The following PRKG1 variants were observed in gnomAD, a reference collection of about 807,000 sequenced individuals.
PRKG1 encodes protein kinase cGMP-dependent 1.
Under a neutral mutation model 88.1 loss-of-function variants are expected in PRKG1, and 35 were observed. That is an observed-to-expected ratio of 0.40 (90% confidence interval 0.30 to 0.53). The LOEUF (loss-of-function observed/expected upper bound fraction) is 0.53, where lower values mean the gene tolerates loss of function less well. Ranked by LOEUF, PRKG1 falls within the 20% of genes least tolerant of loss-of-function variation. PRKG1 has a pLI of 0.59. For missense variants in PRKG1, 540 were observed against 839.8 expected, an observed-to-expected ratio of 0.64 and a Z score of 4.41; for synonymous variants, 303 against 292.5, an observed-to-expected ratio of 1.04 and a Z score of -0.37.
chr10:51,750,808 A>T (rs1837704572), intron 3 of PRKG1, among the ~76,000 whole-genome samples: 1 of 152,220 alleles, frequency 6.6e-6, no homozygotes, highest in African/African-American at 2.4e-5. Context: ...CTATATACGT[A>T]AGTTGTATTT....
At chr10:51,999,265 C>T (rs913536044) in intron 5 of PRKG1, among the ~76,000 whole-genome samples, 1 of 152,198 alleles carries the variant, frequency 6.6e-6, no homozygotes, top group Non-Finnish European at 1.5e-5. Context: ...GAGGGCGTTA[C>T]ATTGTCCGGG....
chr10:51,324,682 A>G (rs1841542427), intron 2 of PRKG1, among the ~76,000 whole-genome samples: 1 of 152,012 alleles, frequency 6.6e-6, no homozygotes, highest in Non-Finnish European at 1.5e-5. Flanking sequence ...CGGAGCTTGC[A>G]GTGAGCCGAG....
At chr10:51,471,907 G>A (rs1414602160) in intron 3 of PRKG1, among the ~76,000 whole-genome samples, 14 of 151,800 alleles carry the variant, frequency 9.2e-5, no homozygotes, top group Admixed American at 9.2e-4. Flanking sequence ...GGGTGTGGTA[G>A]ATATTTTATG....
rs545815524 is a variant in PRKG1 at position 51,431,186 on chromosome 10, G to A, written c.479-36537G>A. Among the ~76,000 whole-genome samples the A allele has an allele frequency of 2.6e-5, 4 of 152,298 alleles. No homozygotes were observed. The East Asian group carries it at 7.7e-4, about 29-fold the overall frequency. On this transcript the variant is annotated intron_variant, in intron 2 of 17. Transcript: ENST00000373980. The stretch of plus-strand genomic sequence containing the variant: ...CAATGGCATTGAGTGAAGAGAAAGT[G>A]TATCAATGGCTATACCCATGGGATT...
intron 1 of PRKG1, among the ~76,000 whole-genome samples, chr10:51,035,272 C>T (rs984981257): frequency 4.6e-5 from 7 of 152,156 alleles, no homozygotes; most frequent in African/African-American, 1.7e-4. Flanking sequence ...ATGTGAAATA[C>T]ATGCTGAATA....
In PRKG1 at chr10:51,093,183, T is replaced by C. The variant is rs79092573; in HGVS notation, c.311+18282T>C. Among the ~76,000 whole-genome samples, 369 of 152,282 alleles carry C rather than the reference T, an allele frequency of 2.4e-3. 1 individual carries two copies. Among genetic ancestry groups the C allele is most frequent in the African/African-American group, 8.1e-3 (338 of 41,556 alleles). ...GCTTCAGCGTCACCTGGGAGCTTGT[T>C]AGAAATGCAGATTCTGAGATATCTC... On this transcript the variant is annotated intron_variant, in intron 1 of 17. Transcript: ENST00000373980.
intron 5 of PRKG1, among the ~76,000 whole-genome samples, chr10:52,017,730 A>G (rs1440933542): frequency 6.6e-6 from 1 of 152,176 alleles, no homozygotes; most frequent in Non-Finnish European, 1.5e-5. Context: ...AGGAGTGGAG[A>G]TAACCATGTG....
At chr10:51,640,689 T>G (rs1049453484) in intron 3 of PRKG1, among the ~76,000 whole-genome samples, 2 of 152,206 alleles carry the variant, frequency 1.3e-5, no homozygotes, top group Admixed American at 1.3e-4. Context: ...TTGAATTTTT[T>G]TTAAGTTACT....
intron 2 of PRKG1, among the ~76,000 whole-genome samples, chr10:51,314,421 T>C (rs1841269731): frequency 6.6e-6 from 1 of 152,232 alleles, no homozygotes; most frequent in Non-Finnish European, 1.5e-5. Context: ...TTGTAAATTC[T>C]AAGGTCTTAC....
chr10:52,039,082 G>A (rs1018997891), intron 5 of PRKG1, among the ~76,000 whole-genome samples: 3 of 152,174 alleles, frequency 2.0e-5, no homozygotes, highest in Non-Finnish European at 4.4e-5. Context: ...TCCCAAGGGA[G>A]GTCCCCCGAT....
chr10:52,117,164 C>CTGTGTGTGTGTGTGTGTGTG (rs71459438), intron 7 of PRKG1, among the ~76,000 whole-genome samples: 2 of 139,200 alleles, frequency 1.4e-5, no homozygotes, highest in Non-Finnish European at 1.5e-5. Flanking sequence ...TGTGAAATAT[C>CTGTGTGTGTGTGTGTGTGTG]TGTGTGTGTG....
chr10:51,232,998 A>T (rs1048991312), intron 2 of PRKG1, among the ~76,000 whole-genome samples: 1 of 152,242 alleles, frequency 6.6e-6, no homozygotes, highest in African/African-American at 2.4e-5. Context: ...GACTCAAGAT[A>T]TTCAGTGATG....
At chr10:51,073,173 A>C (rs924712817), upstream of PRKG1, among the ~76,000 whole-genome samples, 15 of 152,196 alleles carry the variant, frequency 9.9e-5, no homozygotes, top group Admixed American at 7.9e-4. Context: ...GGAGTGTAAC[A>C]CTTGGATAGA....
At chr10:51,499,596 T>C (rs574493180) in intron 3 of PRKG1, among the ~76,000 whole-genome samples, 82 of 152,258 alleles carry the variant, frequency 5.4e-4, no homozygotes, top group African/African-American at 1.9e-3. Context: ...AACAAAAAAG[T>C]AAGCATATGA....
chr10:51,041,160 A>G (rs1367200772), intron 1 of PRKG1, among the ~76,000 whole-genome samples: 2 of 152,034 alleles, frequency 1.3e-5, no homozygotes, highest in Admixed American at 6.6e-5. Context: ...TCAAGGCCCA[A>G]GGGATCTTCA....
intron 2 of PRKG1, among the ~76,000 whole-genome samples, chr10:51,347,527 A>G (rs1842140368): frequency 6.6e-6 from 1 of 152,074 alleles, no homozygotes; most frequent in African/African-American, 2.4e-5. Flanking sequence ...AGTCCCCCTA[A>G]AAACTGGTAA....
chr10:51,212,029 C>A (rs1331496105), intron 2 of PRKG1, among the ~76,000 whole-genome samples: 3 of 151,948 alleles, frequency 2.0e-5, no homozygotes, highest in Admixed American at 6.6e-5. Context: ...GCCAAAAGAA[C>A]AAAGCTGGAG....
chr10:51,223,477 G>A (rs560742224), intron 2 of PRKG1, among the ~76,000 whole-genome samples: 90 of 152,248 alleles, frequency 5.9e-4, no homozygotes, highest in African/African-American at 2.0e-3. Flanking sequence ...TTTGCACTAT[G>A]CCTAGTGCAT....
intron 4 of PRKG1, among the ~76,000 whole-genome samples, chr10:51,896,962 T>C (rs1270688792): frequency 1.3e-5 from 2 of 152,162 alleles, no homozygotes; most frequent in African/African-American, 4.8e-5. Flanking sequence ...GTTGTGGCCA[T>C]TGCGTGATAA....
Sources: gnomAD v4.1 joint callset for allele counts (sites outside exome capture counted in the v4.1 genomes callset) on GRCh38, gnomAD v4.1.1 for gene constraint, MANE v1.5 for transcripts, NCBI Gene and HGNC (gene_info 2026-07-23, HGNC 2026-07-21) for gene names.